The following SLCO2A1 variants were observed in gnomAD, a reference collection of about 807,000 sequenced individuals.
The protein encoded by SLCO2A1 is matrin F/G 1.
SLCO2A1 carries 60 observed loss-of-function variants against 71.7 expected under a neutral mutation model. That is an observed-to-expected ratio of 0.84 (90% CI 0.68 to 1.04). SLCO2A1 has a LOEUF of 1.04. Ranked by LOEUF, SLCO2A1 falls within the 50% of genes least tolerant of loss-of-function variation. SLCO2A1 has a pLI of 0.00. For synonymous variants in SLCO2A1, 308 were observed against 326.7 expected (o/e 0.94, Z 0.62); for missense variants, 745 against 813.4 (o/e 0.92, Z 1.02).
In SLCO2A1 at chr3:133,948,567, G is replaced by A. The variant is rs1933646422; in HGVS notation, c.1074C>T (p.Gly358=). ...GGAAGTTGGCATAGGCTGCTGAGGT[G>A]CCATACTGCTTCTCCAGGAACTTGT... ...FLNKFLEKQY[G]TSAAYANFLI... The change falls in exon 8 of 14, where the codon GGC becomes GGT. Residue 358 remains glycine (G), a synonymous_variant. Transcript: ENST00000310926. The A allele has an allele frequency of 6.2e-7, 1 of 1,614,028 alleles. No homozygotes were observed. The highest frequency in any genetic ancestry group is 1.3e-5 in the African/African-American group (1 of 74,936).
At chr3:133,976,285 C>T (rs1934445293) in intron 2 of SLCO2A1, among the ~76,000 whole-genome samples, 1 of 152,242 alleles carries the variant, frequency 6.6e-6, no homozygotes, top group Non-Finnish European at 1.5e-5. Context: ...TCCCAGATTT[C>T]GTTTATTTCC....
intron 3 of SLCO2A1, among the ~76,000 whole-genome samples, chr3:133,972,730 G>A (rs1934354438): frequency 6.6e-6 from 1 of 152,178 alleles, no homozygotes; most frequent in Non-Finnish European, 1.5e-5. Context: ...AAAGTGTTGA[G>A]AAGAAATAAC....
At position 133,953,731 on chromosome 3, in the gene SLCO2A1, G is replaced by T; in HGVS notation, c.656C>A (p.Pro219Gln). Residue 219 changes from proline to glutamine, a missense_variant, in exon 5 of 14, where the codon CCG (proline) becomes CAG (glutamine). Coordinates refer to ENST00000310926, the MANE Select transcript of SLCO2A1 (RefSeq NM_005630.3). ...AGAGCCCAGCAGGTACCCGAAAGCC[G>T]GTCCAAATACAGAGATGGCAAATAA... is the stretch of plus-strand genomic sequence containing the variant. Reference protein sequence around the residue: ...SILFAISVFGPAFGYLLGSVM... With the variant: ...SILFAISVFGQAFGYLLGSVM... 3 of 1,614,102 alleles carry T rather than the reference G, an allele frequency of 1.9e-6. No homozygotes were observed. Among genetic ancestry groups the T allele is most frequent in the Non-Finnish European group, 2.5e-6 (3 of 1,180,012 alleles).
In SLCO2A1 at chr3:133,979,485, T is replaced by C. The variant is rs1458601059; in HGVS notation, c.230A>G (p.Asn77Ser). 7 of 1,614,100 alleles carry C rather than the reference T, an allele frequency of 4.3e-6. No individual in the cohort carries two copies. Among genetic ancestry groups the C allele is most frequent in the Admixed American group, 1.7e-5 (1 of 60,012 alleles). Residue 77 changes from asparagine (N) to serine (S), a missense_variant, in exon 2 of 14, where the codon AAT becomes AGT. Transcript: ENST00000310926. ...SSSSGLISSL[N>S]EISNAILIIF... is the part of the protein sequence containing the mutation. ...GGACCAGAACCTCCTGCTCACCTCA[T>C]TCAAGCTGGAAATGAGACCCGATGA...
intron 10 of SLCO2A1, among the ~76,000 whole-genome samples, chr3:133,943,606 C>G (rs1044070882): frequency 2.0e-5 from 3 of 152,036 alleles, no homozygotes; most frequent in Non-Finnish European, 4.4e-5. Context: ...TTATAATTTA[C>G]TGATTTTTTT....
At chr3:133,990,366 A>G (rs1365453746) in intron 1 of SLCO2A1, among the ~76,000 whole-genome samples, 1 of 152,222 alleles carries the variant, frequency 6.6e-6, no homozygotes, top group East Asian at 1.9e-4. Context: ...AAATGTGTTC[A>G]GTCAGCAATC....
Position 134,009,643 on chromosome 3 carries a change from C to T in SLCO2A1, c.96+20064G>A, listed in dbSNP as rs527337029. Among the ~76,000 whole-genome samples the T allele has an allele frequency of 1.1e-4, 17 of 152,320 alleles. No individual in the cohort carries two copies. In the East Asian group the frequency reaches 1.2e-3, roughly 10 times the overall value. ...TCATGTGCCATACAGCTGGAGTGTGCGTCTAGGCTTACAACCATGGGTTAG... is the reference window on the plus strand; with the variant it reads ...TCATGTGCCATACAGCTGGAGTGTGTGTCTAGGCTTACAACCATGGGTTAG... On this transcript the variant is annotated intron_variant, in intron 1 of 13. Coordinates refer to ENST00000310926, the MANE Select transcript of SLCO2A1 (RefSeq NM_005630.3).
chr3:133,945,242 A>T lies in SLCO2A1; in HGVS notation c.1314T>A (p.His438Gln). Residue 438 changes from histidine (H) to glutamine (Q), a missense_variant, in exon 10 of 14, where the codon CAT (histidine) becomes CAA (glutamine). His to Gln is a conservative substitution (Grantham distance 24). Coordinates refer to ENST00000310926, the MANE Select transcript of SLCO2A1 (RefSeq NM_005630.3). ...VYPPSTSSSI[H>Q]PQSPACRRDC... is the part of the protein sequence containing the mutation. ...CCCTGCGGCAGGCAGGAGACTGCGG[A>T]TGTATAGAACTTGATGTGCTGCCAG... is the stretch of plus-strand genomic sequence containing the variant. 1 of 1,610,184 alleles carries T rather than the reference A, an allele frequency of 6.2e-7. No individual in the cohort carries two copies. The highest frequency in any genetic ancestry group is 8.5e-7 in the Non-Finnish European group (1 of 1,178,832).
At chr3:133,948,388 G>T in intron 8 of SLCO2A1, 148 bp downstream of exon 8, 1 of 748,486 alleles carries the variant, frequency 1.3e-6, no homozygotes. Context: ...CAGGAAAACT[G>T]TCCTTAAAAT....
chr3:133,996,432 G>A (rs1413411072), intron 1 of SLCO2A1, among the ~76,000 whole-genome samples: 1 of 152,190 alleles, frequency 6.6e-6, no homozygotes, highest in Admixed American at 6.5e-5. Context: ...GTGCATGGAC[G>A]CCTGTCGGCT....
intron 4 of SLCO2A1, among the ~76,000 whole-genome samples, chr3:133,954,717 T>C (rs1292913934): frequency 6.6e-6 from 1 of 152,142 alleles, no homozygotes; most frequent in Admixed American, 6.5e-5. Context: ...AGCGCACAGA[T>C]AATATCAGCC....
In SLCO2A1 at chr3:133,954,890, A is replaced by G; in HGVS notation, c.625+76T>C. 2 of 1,192,544 alleles carry G rather than the reference A, an allele frequency of 1.7e-6. 1 individual carries two copies. Among genetic ancestry groups the G allele is most frequent in the South Asian group, 2.8e-5 (2 of 71,982 alleles). 73.9% of individuals were successfully genotyped at this position (1,192,544 alleles called of 1,614,324 possible). On this transcript the variant is annotated intron_variant, in intron 4 of 13. Coordinates refer to ENST00000310926, the MANE Select transcript of SLCO2A1 (RefSeq NM_005630.3). ...AGCAAAGAGGGTGGGACCTCAGTTTAGTGCCCCAGGGCCTCATCAAGTGCT... is the reference window on the plus strand; with the variant it reads ...AGCAAAGAGGGTGGGACCTCAGTTTGGTGCCCCAGGGCCTCATCAAGTGCT...
At chr3:134,018,248 A>C (rs748070382) in intron 1 of SLCO2A1, among the ~76,000 whole-genome samples, 1 of 152,194 alleles carries the variant, frequency 6.6e-6, no homozygotes, top group African/African-American at 2.4e-5. Context: ...AGGAGTGGGC[A>C]TATCTTAACT....
chr3:133,993,431 T>C (rs746057580), intron 1 of SLCO2A1, among the ~76,000 whole-genome samples: 3 of 152,212 alleles, frequency 2.0e-5, no homozygotes, highest in Non-Finnish European at 4.4e-5. Flanking sequence ...AAGTGAAAGA[T>C]TGCCCCATGG....
chr3:133,954,640 G>T (rs916203649), intron 4 of SLCO2A1, among the ~76,000 whole-genome samples: 2 of 152,144 alleles, frequency 1.3e-5, no homozygotes, highest in Non-Finnish European at 2.9e-5. Flanking sequence ...GTTGGTTTAG[G>T]GTCCATCCAG....
chr3:133,944,299 G>C (rs529517959), intron 10 of SLCO2A1, among the ~76,000 whole-genome samples: 2 of 152,302 alleles, frequency 1.3e-5, no homozygotes, highest in South Asian at 4.1e-4. Flanking sequence ...TTGATAGAAT[G>C]CACCCTCCAT....
intron 1 of SLCO2A1, among the ~76,000 whole-genome samples, chr3:134,014,007 T>G (rs1407726534): frequency 6.6e-6 from 1 of 152,152 alleles, no homozygotes; most frequent in Non-Finnish European, 1.5e-5. Flanking sequence ...CCCTCTCTGA[T>G]AACACAGGCA....
chr3:134,017,023 G>A (rs964033294), intron 1 of SLCO2A1, among the ~76,000 whole-genome samples: 8 of 152,200 alleles, frequency 5.3e-5, no homozygotes, highest in Admixed American at 5.2e-4. Flanking sequence ...GTTACCAGGG[G>A]TTAGAGATGG....
In SLCO2A1 at chr3:133,948,987, G is replaced by A. The variant is rs768320816; in HGVS notation, c.862-16C>T. On this transcript the variant is annotated splice_polypyrimidine_tract_variant and intron_variant, in intron 6 of 13. Coordinates refer to ENST00000310926, the MANE Select transcript of SLCO2A1 (RefSeq NM_005630.3). ...CAGGAGCCCTCTGAAGGCAATAAAA[G>A]GGGTGAGTGTTCACGGCCCAGGCTC... The A allele has an allele frequency of 1.2e-6, 2 of 1,610,598 alleles. No homozygotes were observed. The highest frequency in any genetic ancestry group is 4.5e-5 in the East Asian group (2 of 44,844).
Sources: allele counts gnomAD v4.1 joint callset (sites outside exome capture counted in the v4.1 genomes callset), GRCh38; gene constraint gnomAD v4.1.1; transcripts MANE v1.5; gene names NCBI Gene and HGNC (gene_info 2026-07-23, HGNC 2026-07-21).